CES1: variants seen among roughly 807,000 people sequenced by gnomAD.
CES1 encodes carboxylesterase 1, also known as liver carboxylesterase 1.
A neutral mutation model predicts 53.0 loss-of-function variants in CES1; 50 were observed. That is an observed-to-expected ratio of 0.94 (90% CI 0.75 to 1.19). The LOEUF is 1.19. Among genes scored for constraint, CES1 ranks in the 50% most tolerant of loss-of-function variants. The pLI is 0.00. For missense variants in CES1, 534 were observed against 538.0 expected, an observed-to-expected ratio of 0.99 and a Z score of 0.07; for synonymous variants, 202 against 210.1, an observed-to-expected ratio of 0.96 and a Z score of 0.33.
At chr16:55,820,585 T>C in intron 5 of CES1, 106 bp from the exon 6 acceptor site, 3 of 1,571,876 alleles carry the variant, frequency 1.9e-6, no homozygotes, top group East Asian at 2.3e-5. Context: ...AACACGGGAC[T>C]GAGGAATCCA....
chr16:55,832,876 T>C (rs752634333), intron 1 of CES1, 128 bp downstream of exon 1: 7 of 910,414 alleles, frequency 7.7e-6, no homozygotes, highest in Non-Finnish European at 1.3e-5. Flanking sequence ...CAAGTCCTAA[T>C]ATGGAAGTCG....
chr16:55,828,599 T>C (rs2032507994), intron 2 of CES1, among the ~76,000 whole-genome samples, 168 bp downstream of exon 2: 1 of 151,926 alleles, frequency 6.6e-6, no homozygotes, highest in Admixed American at 6.5e-5. Flanking sequence ...AATAAACATG[T>C]GTTAAATAAT....
intron 8 of CES1, among the ~76,000 whole-genome samples, chr16:55,815,978 GC>G (rs2031925798): frequency 6.6e-6 from 1 of 152,272 alleles, no homozygotes; most frequent in Non-Finnish European, 1.5e-5. Context: ...AGCCAGACTG[GC>G]CCCTTCTGTC....
chr16:55,810,721 C>G, intron 10 of CES1, 57 bp from the exon 11 acceptor site: 1 of 1,599,526 alleles, frequency 6.3e-7, no homozygotes, highest in Non-Finnish European at 8.6e-7. Flanking sequence ...GCTTCTCCAG[C>G]CCACCAGAAA....
intron 8 of CES1, among the ~76,000 whole-genome samples, chr16:55,815,397 G>C (rs1177146186): frequency 6.6e-6 from 1 of 152,216 alleles, no homozygotes; most frequent in Non-Finnish European, 1.5e-5. Flanking sequence ...AATGGGGAGA[G>C]AAGGTGAAGT....
intron 8 of CES1, among the ~76,000 whole-genome samples, chr16:55,814,376 A>T (rs1277888448): frequency 1.3e-5 from 2 of 152,190 alleles, no homozygotes; most frequent in African/African-American, 4.8e-5. Context: ...ACAATGGTGT[A>T]GTTGCTACGA....
chr16:55,819,677 A>G (rs2032093003), intron 6 of CES1, 38 bp from the exon 7 acceptor site: 2 of 1,512,362 alleles, frequency 1.3e-6, no homozygotes, highest in Admixed American at 1.7e-5. Flanking sequence ...TTCAAGAGCG[A>G]CATCCCTTCC....
intron 8 of CES1, among the ~76,000 whole-genome samples, chr16:55,814,210 A>G (rs1174849322): frequency 1.3e-5 from 2 of 152,226 alleles, no homozygotes; most frequent in African/African-American, 4.8e-5. Context: ...GAGTAAAAGA[A>G]TCAGTGATTA....
chr16:55,827,638 A>G (rs1358962860), intron 2 of CES1, among the ~76,000 whole-genome samples: 2 of 152,224 alleles, frequency 1.3e-5, no homozygotes, highest in African/African-American at 2.4e-5. Context: ...TATTAAAAAC[A>G]TCATATATAA....
At chr16:55,829,564 G>C (rs1166385401) in intron 1 of CES1, among the ~76,000 whole-genome samples, 6 of 152,256 alleles carry the variant, frequency 3.9e-5, no homozygotes, top group Non-Finnish European at 7.3e-5. Flanking sequence ...ACACAGCAGA[G>C]AGAAGGGAAT....
In CES1 at chr16:55,818,913, T is replaced by A. The variant is rs530708971; in HGVS notation, c.906+622A>T. The stretch of plus-strand genomic sequence containing the variant: ...GTTGAGATATAAGGTGGCTGGATGA[T>A]CCATGAATGGTGAATGGATTGAAAA... On this transcript the variant is annotated intron_variant, in intron 7 of 13. Transcript: ENST00000360526. Among the ~76,000 whole-genome samples, 5 of 152,314 alleles carry A rather than the reference T, an allele frequency of 3.3e-5. No homozygotes were observed. The South Asian group carries it at 1.0e-3, about 32-fold the overall frequency.
Position 55,821,338 on chromosome 16 carries a change from G to C in CES1, c.693+30C>G, listed in dbSNP as rs576115885. Reference sequence around the variant, plus strand: ...GTCTCATCAGCATCACATCAAGCGTGGGGTTGGGCCTGGTGACAGGAAAAC... The same window carrying C: ...GTCTCATCAGCATCACATCAAGCGTCGGGTTGGGCCTGGTGACAGGAAAAC... On this transcript the variant is annotated intron_variant, in intron 5 of 13. Transcript: ENST00000360526. 1.9e-6 allele frequency: 3 copies of C among 1,613,996 alleles called. No homozygotes were observed. In the South Asian group the frequency reaches 3.3e-5, roughly 18 times the overall value.
chr16:55,808,445 C>T (rs1281021687), intron 11 of CES1, among the ~76,000 whole-genome samples: 1 of 152,278 alleles, frequency 6.6e-6, no homozygotes, highest in Non-Finnish European at 1.5e-5. Context: ...TGATGTGCTT[C>T]TTGTTGGTGG....
chr16:55,824,294 G>T (rs1313810145), intron 3 of CES1, among the ~76,000 whole-genome samples: 1 of 152,290 alleles, frequency 6.6e-6, no homozygotes, highest in Non-Finnish European at 1.5e-5. Flanking sequence ...AACTTAGCAT[G>T]TGCCAGGGAC....
chr16:55,830,700 G>A (rs1183404540), intron 1 of CES1, among the ~76,000 whole-genome samples: 1 of 150,954 alleles, frequency 6.6e-6, no homozygotes, highest in African/African-American at 2.4e-5. Context: ...CTCCTCCAGA[G>A]AGAGAGAAGA....
intron 8 of CES1, among the ~76,000 whole-genome samples, chr16:55,813,715 C>T (rs1382010332): frequency 1.3e-5 from 2 of 152,148 alleles, no homozygotes; most frequent in Admixed American, 6.5e-5. Context: ...CACACAGGCA[C>T]CTTCCCCGTA....
intron 7 of CES1, among the ~76,000 whole-genome samples, chr16:55,818,440 TA>T (rs1371333022): frequency 6.6e-6 from 1 of 152,238 alleles, no homozygotes; most frequent in East Asian, 1.9e-4. Flanking sequence ...CTGTCTTTGT[TA>T]CCTCTGTTAA....
At position 55,820,063 on chromosome 16, in the gene CES1, T is replaced by C. The variant is rs1450308299; in HGVS notation, c.801+309A>G. The stretch of plus-strand genomic sequence containing the variant: ...CAACATGGCACCAGGCCCTGGCACA[T>C]AGGAGGAGTGTGGTCACAGATAGGG... On this transcript the variant is annotated intron_variant, in intron 6 of 13. Transcript: ENST00000360526. The C allele has an allele frequency of 4.2e-5, 24 of 577,252 alleles. No homozygotes were observed. In the Admixed American group the frequency reaches 5.1e-4, roughly 12 times the overall value. The allele number at this position is 577,252 out of a possible 1,614,324, so 35.8% of individuals were successfully genotyped here. A position where few individuals can be genotyped will look rare whatever the true frequency, so the allele number is the denominator to read the frequency against.
At chr16:55,809,620 C>T (rs2031598621) in intron 11 of CES1, among the ~76,000 whole-genome samples, 1 of 152,188 alleles carries the variant, frequency 6.6e-6, no homozygotes, top group Non-Finnish European at 1.5e-5. Context: ...CTGCCCTTGC[C>T]CTGTGCTTGC....
Sources: gnomAD v4.1 joint callset for allele counts (sites outside exome capture counted in the v4.1 genomes callset) on GRCh38, gnomAD v4.1.1 for gene constraint, MANE v1.5 for transcripts, NCBI Gene and HGNC (gene_info 2026-07-23, HGNC 2026-07-21) for gene names.